The following COL28A1 variants were observed in gnomAD, a reference collection of about 807,000 sequenced individuals.
COL28A1 encodes the protein collagen alpha-1(XXVIII) chain.
In COL28A1, 161 loss-of-function variants were observed where a neutral mutation model predicts 150.2. The ratio of observed to expected loss-of-function variants is 1.07; its 90% CI spans 0.94 to 1.22. COL28A1 has a LOEUF of 1.22. Ranked by LOEUF, COL28A1 falls within the 50% of genes most tolerant of loss-of-function variation. COL28A1 has a pLI of 0.00. For missense variants in COL28A1, 1,617 were observed against 1,388.3 expected (o/e 1.16, Z -2.62); for synonymous variants, 552 against 469.7 (o/e 1.18, Z -2.26).
chr7:7,494,385 C>A (rs759757366), intron 11 of COL28A1, among the ~76,000 whole-genome samples: 3 of 152,116 alleles, frequency 2.0e-5, no homozygotes, highest in Non-Finnish European at 4.4e-5. Context: ...AGGGAAAAAA[C>A]CATGGCTTTG....
In COL28A1 at chr7:7,443,644, C is replaced by A; in HGVS notation, c.1591G>T (p.Gly531Trp). 6.2e-7 allele frequency: 1 copy of A among 1,614,052 alleles called. No individual in the cohort carries two copies. The highest frequency in any genetic ancestry group is 8.5e-7 in the Non-Finnish European group (1 of 1,179,990). The change falls in exon 20 of 35, where the codon GGG becomes TGG. Residue 531 changes from glycine to tryptophan, a missense_variant. By Grantham distance (184) the Gly-to-Trp change is radical. Coordinates refer to ENST00000399429, the MANE Select transcript of COL28A1 (RefSeq NM_001037763.3). ...TCTGGGCCTCTTGCTCCCGGAAGCC[C>A]CGCTTCTCCCTAGAGAAAATGACAC... is the stretch of plus-strand genomic sequence containing the variant. ...DGAAGKKGEA[G>W]LPGARGPEGP... is the part of the protein sequence containing the mutation.
At chr7:7,341,406 C>G in the COL28A1 span, among the ~76,000 whole-genome samples, 1 of 150,920 alleles carries the variant, frequency 6.6e-6, no homozygotes, top group Non-Finnish European at 1.5e-5. Flanking sequence ...AATGTATTTC[C>G]CTTTTTAAAT....
chr7:7,382,332 A>T lies in COL28A1; in HGVS notation c.2137-720T>A, dbSNP rs140037927. 1.2e-4 allele frequency among the ~76,000 whole-genome samples: 18 copies of T among 152,186 alleles called. No individual in the cohort carries two copies. In the East Asian group the frequency reaches 3.1e-3, roughly 26 times the overall value. Reference sequence around the variant, plus strand: ...TCTCAAAAAAAAAAACAGAAAAAAAATGTCATTTTAGTAACGGGGAAAAGA... The same window carrying T: ...TCTCAAAAAAAAAAACAGAAAAAAATTGTCATTTTAGTAACGGGGAAAAGA... On this transcript the variant is annotated intron_variant, in intron 27 of 34. Transcript: ENST00000399429.
the COL28A1 span, among the ~76,000 whole-genome samples, chr7:7,348,813 G>A: frequency 6.6e-6 from 1 of 152,040 alleles, no homozygotes; most frequent in East Asian, 1.9e-4. Context: ...CACAATCATA[G>A]TCCACTGCAG....
intron 6 of COL28A1, 116 bp from the exon 7 acceptor site, chr7:7,517,953 C>T: frequency 2.6e-6 from 3 of 1,165,226 alleles, no homozygotes; most frequent in East Asian, 2.7e-5. Flanking sequence ...CATCTTTAGT[C>T]TTTCCCGTTG....
intron 21 of COL28A1, among the ~76,000 whole-genome samples, chr7:7,439,555 T>A (rs1208354688): frequency 6.6e-6 from 1 of 152,180 alleles, no homozygotes; most frequent in Non-Finnish European, 1.5e-5. Context: ...AAATACCCTG[T>A]ATTAAGGGGT....
chr7:7,348,239 T>C, the COL28A1 span, among the ~76,000 whole-genome samples: 4 of 152,060 alleles, frequency 2.6e-5, no homozygotes, highest in South Asian at 4.1e-4. Context: ...GCAAGTATCA[T>C]TGGAGCGATT....
At chr7:7,420,469 G>C (rs1482434479) in intron 25 of COL28A1, among the ~76,000 whole-genome samples, 1 of 152,250 alleles carries the variant, frequency 6.6e-6, no homozygotes, top group Non-Finnish European at 1.5e-5. Context: ...TACCTGATGA[G>C]GGTAGGTGAC....
At chr7:7,439,930 A>C (rs1433731133) in intron 21 of COL28A1, among the ~76,000 whole-genome samples, 1 of 152,162 alleles carries the variant, frequency 6.6e-6, no homozygotes, top group Admixed American at 6.5e-5. Flanking sequence ...TTTGTATCTG[A>C]TGTTGTCAGC....
intron 3 of COL28A1, among the ~76,000 whole-genome samples, chr7:7,530,629 T>C (rs1457168357): frequency 1.3e-5 from 2 of 152,174 alleles, no homozygotes; most frequent in Non-Finnish European, 2.9e-5. Flanking sequence ...TTCCTTTTGA[T>C]TGTGGTGCCG....
rs1780453443 is a variant in COL28A1 at position 7,358,560 on chromosome 7, G to T, written c.*73C>A. On this transcript the variant is annotated 3_prime_UTR_variant, in exon 35 of 35. Transcript: ENST00000399429. Reference sequence around the variant, plus strand: ...TCAGTATACACTCAAATATAGTGCTGTATTTGTATTGGGTGAATATGTGGA... The same window carrying T: ...TCAGTATACACTCAAATATAGTGCTTTATTTGTATTGGGTGAATATGTGGA... 2.2e-6 allele frequency: 3 copies of T among 1,337,228 alleles called. No individual in the cohort carries two copies. In the Admixed American group the frequency reaches 5.3e-5, roughly 24 times the overall value. The allele number at this position is 1,337,228 out of a possible 1,614,324, so 82.8% of individuals were successfully genotyped here.
chr7:7,426,570 AT>A (rs1346716586), intron 25 of COL28A1, among the ~76,000 whole-genome samples: 1 of 152,234 alleles, frequency 6.6e-6, no homozygotes, highest in East Asian at 1.9e-4. Context: ...GGATGAGAAA[AT>A]AATTATACAA....
rs1785715189 is a variant in COL28A1, at chr7:7,440,803, G to A, written c.1709C>T (p.Pro570Leu). The A allele has an allele frequency of 6.7e-7, 1 of 1,488,660 alleles. No individual in the cohort carries two copies. Among genetic ancestry groups the A allele is most frequent in the African/African-American group, 1.4e-5 (1 of 72,642 alleles). The allele number at this position is 1,488,660 out of a possible 1,614,324, so 92.2% of individuals were successfully genotyped here. A position where few individuals can be genotyped will look rare whatever the true frequency, so the allele number is the denominator to read the frequency against. ...CAAGAAACATACCTTTGGTCCTTCG[G>A]GCCCTGGAAGTCCCCTCTGTCCTTG... ...GNQGQRGLPG[P>L]EGPKGEPGIM... is the part of the protein sequence containing the mutation. The change falls in exon 21 of 35, where the codon CCC becomes CTC. Residue 570 changes from proline to leucine, a missense_variant. Transcript: ENST00000399429.
At chr7:7,478,705 G>C (rs1227212586) in intron 13 of COL28A1, among the ~76,000 whole-genome samples, 1 of 152,276 alleles carries the variant, frequency 6.6e-6, no homozygotes, top group African/African-American at 2.4e-5. Context: ...AGGCAGCTAA[G>C]GCCAAGTGAG....
At chr7:7,401,762 A>G (rs1281902185) in intron 27 of COL28A1, among the ~76,000 whole-genome samples, 1 of 152,184 alleles carries the variant, frequency 6.6e-6, no homozygotes, top group Non-Finnish European at 1.5e-5. Flanking sequence ...ATACTGCCAC[A>G]GAACCATCCT....
At chr7:7,363,678 TTTG>T (rs943757780) in intron 33 of COL28A1, among the ~76,000 whole-genome samples, 20 of 152,172 alleles carry the variant, frequency 1.3e-4, no homozygotes, top group Admixed American at 5.2e-4. Context: ...TATCCATTTT[TTTG>T]TTGTTGTTGT....
chr7:7,479,930 TAGA>T (rs1227972992), intron 13 of COL28A1, among the ~76,000 whole-genome samples: 2 of 152,198 alleles, frequency 1.3e-5, no homozygotes, highest in African/African-American at 4.8e-5. Context: ...ACAAGAATCT[TAGA>T]AGAAGAAAAT....
chr7:7,454,767 G>A (rs894644510), intron 16 of COL28A1, among the ~76,000 whole-genome samples: 4 of 152,000 alleles, frequency 2.6e-5, no homozygotes, highest in African/African-American at 7.3e-5. Context: ...TTTGGGATAA[G>A]TAAGCCCCTG....
intron 18 of COL28A1, 145 bp from the exon 19 acceptor site, chr7:7,444,634 GCTACTTAACATCCCTAGGC>G (rs1339090728): frequency 1.3e-6 from 1 of 746,706 alleles, no homozygotes; most frequent in African/African-American, 1.8e-5. Context: ...ATCTTGGGAA[GCTACTTAACATCCCTAGGC>G]CTTAGTTTTT....
Sources: allele counts gnomAD v4.1 joint callset (sites outside exome capture counted in the v4.1 genomes callset), GRCh38; gene constraint gnomAD v4.1.1; transcripts MANE v1.5; gene names NCBI Gene and HGNC (gene_info 2026-07-23, HGNC 2026-07-21).